RNF38: variants seen among roughly 807,000 people sequenced by gnomAD.
The protein encoded by RNF38 is E3 ubiquitin-protein ligase RNF38.
RNF38 carries 15 observed loss-of-function variants against 67.2 expected under a neutral mutation model. The ratio of observed to expected loss-of-function variants is 0.22; its 90% CI spans 0.15 to 0.34. The LOEUF (loss-of-function observed/expected upper bound fraction) is 0.34. RNF38 is among the 10% of genes least tolerant of loss of function. The pLI is 1.00. For missense variants in RNF38, 524 were observed against 639.9 expected (o/e 0.82, Z 1.95); for synonymous variants, 220 against 218.8 (o/e 1.01, Z -0.05).
chr9:36,468,177 G>A (rs563800539), intron 1 of RNF38, among the ~76,000 whole-genome samples: 6 of 151,924 alleles, frequency 3.9e-5, no homozygotes, highest in Non-Finnish European at 7.4e-5. Context: ...AGAAGCTCAA[G>A]GCTGCAGTGG....
intron 1 of RNF38, among the ~76,000 whole-genome samples, chr9:36,446,867 T>C (rs1441839745): frequency 8.2e-6 from 1 of 121,978 alleles, no homozygotes; most frequent in Admixed American, 9.1e-5. Flanking sequence ...ATGCTTGTAA[T>C]CCCAGCACTT....
chr9:36,454,275 C>A (rs978851363), intron 1 of RNF38, among the ~76,000 whole-genome samples: 7 of 151,836 alleles, frequency 4.6e-5, no homozygotes, highest in Admixed American at 3.9e-4. Context: ...AGGCATCCGC[C>A]ACCATGCCTG....
chr9:36,344,716 C>T, intron 10 of RNF38, 116 bp downstream of exon 10: 1 of 942,808 alleles, frequency 1.1e-6, no homozygotes, highest in Non-Finnish European at 1.6e-6. Flanking sequence ...GACTCCTAAG[C>T]ATTTTCTTTC....
At chr9:36,418,743 G>A (rs1025569123) in intron 2 of RNF38, among the ~76,000 whole-genome samples, 2 of 151,900 alleles carry the variant, frequency 1.3e-5, no homozygotes, top group Admixed American at 6.6e-5. Context: ...GCGAGATGGT[G>A]CCACTGCACT....
chr9:36,388,873 T>G (rs1477751811), intron 2 of RNF38, among the ~76,000 whole-genome samples: 2 of 152,134 alleles, frequency 1.3e-5, no homozygotes, highest in Non-Finnish European at 2.9e-5. Context: ...TTTGTGACAC[T>G]AGATGGCTGG....
chr9:36,438,611 T>C (rs1839123179), intron 1 of RNF38, among the ~76,000 whole-genome samples: 1 of 152,064 alleles, frequency 6.6e-6, no homozygotes, highest in Non-Finnish European at 1.5e-5. Flanking sequence ...GTACATTCAG[T>C]GTTTTTGTCT....
chr9:36,403,497 C>CT (rs1480745366), upstream of RNF38, among the ~76,000 whole-genome samples: 2 of 152,154 alleles, frequency 1.3e-5, no homozygotes, highest in Non-Finnish European at 2.9e-5. Flanking sequence ...TTGGCAAGAG[C>CT]TTTTTGAGAA....
At chr9:36,400,004 G>A (rs1837878307) in intron 1 of RNF38, 93 bp downstream of exon 1, 3 of 1,112,816 alleles carry the variant, frequency 2.7e-6, no homozygotes, top group South Asian at 2.7e-5. Context: ...ATAATTACAT[G>A]TGTGTGTTTC....
At chr9:36,373,717 C>T (rs1201800549) in intron 3 of RNF38, among the ~76,000 whole-genome samples, 1 of 151,930 alleles carries the variant, frequency 6.6e-6, no homozygotes, top group Non-Finnish European at 1.5e-5. Flanking sequence ...TCAGGTGATC[C>T]GCCTGCCTCG....
Position 36,466,795 on chromosome 9 carries a change from T to G in RNF38, n.241+20513A>C, listed in dbSNP as rs994970568. 3.9e-5 allele frequency among the ~76,000 whole-genome samples: 6 copies of G among 152,164 alleles called. No homozygotes were observed. The East Asian group carries it at 9.6e-4, about 24-fold the overall frequency. ...CAAATAAAGGAACTTTTATTTTCTC[T>G]AATATACATTTCTATAACATTTTAA... is the stretch of plus-strand genomic sequence containing the variant. On this transcript the variant is annotated intron_variant and non_coding_transcript_variant, in intron 1 of 3. Coordinates refer to the RNF38 transcript ENST00000488058.
At chr9:36,340,369 A>AT (rs1832750544) in intron 11 of RNF38, among the ~76,000 whole-genome samples, 1 of 152,228 alleles carries the variant, frequency 6.6e-6, no homozygotes, top group Admixed American at 6.5e-5. Context: ...ACATTAAAGT[A>AT]AAAGCTTGGT....
chr9:36,420,356 C>A (rs371128146), intron 2 of RNF38, among the ~76,000 whole-genome samples: 1 of 151,800 alleles, frequency 6.6e-6, no homozygotes, highest in Non-Finnish European at 1.5e-5. Flanking sequence ...CACAGTGAAA[C>A]CCCCTCTCTA....
At chr9:36,434,446 A>G (rs139941436) in intron 1 of RNF38, among the ~76,000 whole-genome samples, 7,738 of 152,080 alleles carry the variant, frequency 0.051, 591 homozygotes, top group African/African-American at 0.17. Context: ...GTGCAGTGGC[A>G]CCATCTTGGC....
intron 9 of RNF38, among the ~76,000 whole-genome samples, chr9:36,348,578 T>C (rs1333168069): frequency 6.6e-6 from 1 of 152,126 alleles, no homozygotes; most frequent in Non-Finnish European, 1.5e-5. Flanking sequence ...AAAGTCTGAG[T>C]GATACAGATA....
intron 2 of RNF38, among the ~76,000 whole-genome samples, chr9:36,407,903 AAT>A (rs1838222317): frequency 1.3e-5 from 2 of 152,184 alleles, no homozygotes; most frequent in Admixed American, 6.5e-5. Flanking sequence ...ATTTTTTTTA[AAT>A]CCTGTATTAC....
Position 36,411,557 on chromosome 9 carries a change from T to C in RNF38, n.312+13056A>G, listed in dbSNP as rs1223370730. Among the ~76,000 whole-genome samples the C allele has an allele frequency of 7.2e-5, 11 of 152,194 alleles. No individual in the cohort carries two copies. The East Asian group carries it at 2.1e-3, about 29-fold the overall frequency. Reference sequence around the variant, plus strand: ...ATGAATAAACAAAATGTGATGTATATTACAATGACATTTTTTTTCCTTGAG... The same window carrying C: ...ATGAATAAACAAAATGTGATGTATACTACAATGACATTTTTTTTCCTTGAG... On this transcript the variant is annotated intron_variant and non_coding_transcript_variant, in intron 2 of 3. Coordinates refer to the RNF38 transcript ENST00000488058.
upstream of RNF38, chr9:36,487,667 A>T: frequency 8.6e-6 from 6 of 696,296 alleles, no homozygotes; most frequent in Non-Finnish European, 1.0e-5. Context: ...GCGGCTCCCG[A>T]AGGGGGAGGA....
intron 1 of RNF38, among the ~76,000 whole-genome samples, chr9:36,460,427 A>AGT (rs1839700049): frequency 6.6e-6 from 1 of 152,138 alleles, no homozygotes; most frequent in Non-Finnish European, 1.5e-5. Context: ...GGTAACATTA[A>AGT]GTGTGTGTGT....
At chr9:36,433,965 G>A (rs1838997164) in intron 1 of RNF38, among the ~76,000 whole-genome samples, 2 of 151,702 alleles carry the variant, frequency 1.3e-5, no homozygotes, top group African/African-American at 2.4e-5. Context: ...TAGGCCAGGC[G>A]CGGTGGCTCA....
Sources: gnomAD v4.1 joint callset for allele counts (sites outside exome capture counted in the v4.1 genomes callset) on GRCh38, gnomAD v4.1.1 for gene constraint, MANE v1.5 for transcripts, NCBI Gene and HGNC (gene_info 2026-07-23, HGNC 2026-07-21) for gene names.